The following SMG1 variants were observed in gnomAD, a reference collection of about 807,000 sequenced individuals.
The protein encoded by SMG1 is serine/threonine-protein kinase SMG1.
Under a neutral mutation model 419.9 loss-of-function variants are expected in SMG1, and 22 were observed. The observed-to-expected ratio is 0.05, with a 90% CI of 0.04 to 0.07. The LOEUF is 0.07. Ranked by LOEUF, SMG1 falls within the 10% of genes least tolerant of loss-of-function variation. The probability of loss-of-function intolerance (pLI) is 1.00; values close to 1 mark genes in which losing one functional copy is unlikely to be tolerated. For missense variants in SMG1, 3,185 were observed against 4,342.0 expected (o/e 0.73, Z 7.49); for synonymous variants, 1,538 against 1,553.5 (o/e 0.99, Z 0.23).
rs367555646 is a variant in SMG1, at chr16:18,882,114, G to A, written c.1293+51C>T. Reference sequence around the variant, plus strand: ...CCAGGTAAAGAGAAGCATTTACAGTGTAAAACAATTTTATTTTTGAATGAC... The same window carrying A: ...CCAGGTAAAGAGAAGCATTTACAGTATAAAACAATTTTATTTTTGAATGAC... On this transcript the variant is annotated intron_variant, in intron 10 of 62. Transcript: ENST00000446231. The A allele has an allele frequency of 2.9e-6, 4 of 1,356,556 alleles. No individual in the cohort carries two copies. In the African/African-American group the frequency reaches 5.8e-5, roughly 20 times the overall value. The allele number at this position is 1,356,556 out of a possible 1,614,324, so 84.0% of individuals were successfully genotyped here.
At chr16:18,836,758 T>A (rs541757896) in intron 46 of SMG1, among the ~76,000 whole-genome samples, 1 of 152,314 alleles carries the variant, frequency 6.6e-6, no homozygotes, top group Non-Finnish European at 1.5e-5. Context: ...AAGTTTTAGG[T>A]TCCTTGAAGG....
chr16:18,870,391 T>C (rs543211672), intron 18 of SMG1, among the ~76,000 whole-genome samples: 6 of 152,360 alleles, frequency 3.9e-5, no homozygotes, highest in South Asian at 2.1e-4. Context: ...AGTTATTCTA[T>C]ACTAATTATT....
chr16:18,805,520 C>G lies in SMG1; in HGVS notation c.*4049G>C, dbSNP rs774531575. 6.6e-6 allele frequency: 1 copy of G among 152,078 alleles called. No homozygotes were observed. Among genetic ancestry groups the G allele is most frequent in the Admixed American group, 6.5e-5 (1 of 15,276 alleles). The allele number at this position is 152,078 out of a possible 1,614,324, so 9.4% of individuals were successfully genotyped here. A position where few individuals can be genotyped will look rare whatever the true frequency, so the allele number is the denominator to read the frequency against. On this transcript the variant is annotated 3_prime_UTR_variant, in exon 63 of 63. Coordinates refer to ENST00000446231, the MANE Select transcript of SMG1 (RefSeq NM_015092.5). ...CTCATTAAGAGTCAGTTTTACCCTT[C>G]TGTAAATAAGGATGGTGATACTGTT... is the stretch of plus-strand genomic sequence containing the variant.
chr16:18,914,242 A>C (rs1684185736), intron 1 of SMG1, among the ~76,000 whole-genome samples: 1 of 152,136 alleles, frequency 6.6e-6, no homozygotes. Context: ...TAGGTTTTTA[A>C]ATAACCATAA....
At chr16:18,895,114 G>A (rs2037063888) in intron 3 of SMG1, among the ~76,000 whole-genome samples, 1 of 152,096 alleles carries the variant, frequency 6.6e-6, no homozygotes, top group Non-Finnish European at 1.5e-5. Context: ...ACTGCACCTG[G>A]CCAATCCTCT....
rs200919633 is a variant in SMG1, at chr16:18,869,230, G to C, written c.2707C>G (p.Arg903Gly). The C allele has an allele frequency of 6.2e-7, 1 of 1,611,582 alleles. No individual in the cohort carries two copies. Among genetic ancestry groups the C allele is most frequent in the African/African-American group, 1.3e-5 (1 of 74,960 alleles). ...ACAGCATCTGTCTTCAGGAGATTGC[G>C]TGGAATTGTTGACTGGTCACGCTTA... ...LDKRDQSTIP[R>G]NLLKTDAVLW... Residue 903 changes from arginine to glycine, a missense_variant, in exon 20 of 63, where the codon CGC becomes GGC. Coordinates refer to ENST00000446231, the MANE Select transcript of SMG1 (RefSeq NM_015092.5).
chr16:18,808,548 C>G lies in SMG1; in HGVS notation c.*1021G>C, dbSNP rs1567302800. On this transcript the variant is annotated 3_prime_UTR_variant, in exon 63 of 63. Transcript: ENST00000446231. The stretch of plus-strand genomic sequence containing the variant: ...AAGATTACACTGGATTAGCTACTTT[C>G]TATGAAAGAAACTACAGCTATCACA... The G allele has an allele frequency of 6.6e-6, 1 of 152,134 alleles. No homozygotes were observed. The highest frequency in any genetic ancestry group is 2.4e-5 in the African/African-American group (1 of 41,406). 9.4% of individuals were successfully genotyped at this position (152,134 alleles called of 1,614,324 possible). A position where few individuals can be genotyped will look rare whatever the true frequency, so the allele number is the denominator to read the frequency against.
At position 18,844,020 on chromosome 16, in the gene SMG1, C is replaced by T. The variant is rs991976366; in HGVS notation, c.6219+1409G>A. On this transcript the variant is annotated intron_variant, in intron 39 of 62. Transcript: ENST00000446231. ...TTTTCTATGATTATACACACACACA[C>T]ACACACGTGCGCACACAAACAGGGT... is the stretch of plus-strand genomic sequence containing the variant. 5.3e-5 allele frequency among the ~76,000 whole-genome samples: 8 copies of T among 152,142 alleles called. No individual in the cohort carries two copies. In the East Asian group the frequency reaches 1.3e-3, roughly 26 times the overall value.
At chr16:18,834,516 C>A (rs2033426406) in intron 49 of SMG1, 78 bp from the exon 50 acceptor site, 1 of 1,351,026 alleles carries the variant, frequency 7.4e-7, no homozygotes, top group African/African-American at 1.5e-5. Flanking sequence ...CAAGGCCATG[C>A]CTGTAATTCC....
intron 39 of SMG1, among the ~76,000 whole-genome samples, chr16:18,844,322 G>A (rs1217518345): frequency 6.6e-6 from 1 of 151,792 alleles, no homozygotes; most frequent in African/African-American, 2.4e-5. Flanking sequence ...CCAGCTACAC[G>A]GGAGGCTGAG....
At chr16:18,875,048 T>A (rs1296360323) in intron 13 of SMG1, 3 of 152,256 alleles carry the variant, frequency 2.0e-5, no homozygotes, top group Non-Finnish European at 4.4e-5. Flanking sequence ...ATGTGGAGGA[T>A]GGGACCCAAG....
intron 1 of SMG1, among the ~76,000 whole-genome samples, chr16:18,908,145 T>A (rs1447173812): frequency 6.6e-6 from 1 of 151,752 alleles, no homozygotes; most frequent in Non-Finnish European, 1.5e-5. Flanking sequence ...GCAGGCAGAT[T>A]ACCTGAGTTC....
At chr16:18,873,566 C>T (rs1285745883) in intron 13 of SMG1, among the ~76,000 whole-genome samples, 4 of 152,150 alleles carry the variant, frequency 2.6e-5, no homozygotes, top group Admixed American at 1.3e-4. Flanking sequence ...GATGGTTGTA[C>T]ACTTCTGTGA....
chr16:18,840,745 G>A (rs1188832142), intron 41 of SMG1, among the ~76,000 whole-genome samples: 1 of 152,068 alleles, frequency 6.6e-6, no homozygotes, highest in Non-Finnish European at 1.5e-5. Flanking sequence ...GTTTTAAAGC[G>A]ATTATTTACA....
chr16:18,900,175 A>G, intron 1 of SMG1: 2 of 528,894 alleles, frequency 3.8e-6, no homozygotes, highest in South Asian at 6.3e-5. Context: ...TTCATACATT[A>G]AAGCAAAAAT....
rs754790256 is a variant in SMG1 at position 18,860,767 on chromosome 16, G to A, written c.3705C>T (p.Ser1235=). Residue 1235 remains serine (S), a synonymous_variant, in exon 26 of 63, where the codon AGC becomes AGT. Transcript: ENST00000446231. ...CAACAAATTTTCCAGACTCAAAGCTGCTTAATGATCTGTAATTAAAATATT... is the reference window on the plus strand; with the variant it reads ...CAACAAATTTTCCAGACTCAAAGCTACTTAATGATCTGTAATTAAAATATT... ...KADFNYIKSL[S]SFESGKFVEC... 1 of 1,466,962 alleles carries A rather than the reference G, an allele frequency of 6.8e-7. No homozygotes were observed. The highest frequency in any genetic ancestry group is 1.2e-5 in the South Asian group (1 of 84,604). The allele number at this position is 1,466,962 out of a possible 1,614,324, so 90.9% of individuals were successfully genotyped here.
chr16:18,851,002 G>T (rs2034560340), intron 33 of SMG1, among the ~76,000 whole-genome samples: 2 of 152,128 alleles, frequency 1.3e-5, no homozygotes, highest in African/African-American at 4.8e-5. Context: ...TGATCCGCCT[G>T]CCTCGGCTTC....
chr16:18,811,735 G>A, intron 62 of SMG1, 26 bp downstream of exon 62: 1 of 1,590,590 alleles, frequency 6.3e-7, no homozygotes. Flanking sequence ...ATTAAAATGT[G>A]TAGCCCAAGT....
chr16:18,878,093 T>C (rs1394055253), intron 11 of SMG1: 3 of 152,168 alleles, frequency 2.0e-5, no homozygotes, highest in African/African-American at 7.2e-5. Flanking sequence ...GAGGGGAGGA[T>C]ATTTATGGTT....
Sources: allele counts gnomAD v4.1 joint callset (sites outside exome capture counted in the v4.1 genomes callset), GRCh38; gene constraint gnomAD v4.1.1; transcripts MANE v1.5; gene names NCBI Gene and HGNC (gene_info 2026-07-23, HGNC 2026-07-21).